Variants in CRCP observed in about 807,000 individuals in gnomAD.
CRCP encodes CGRP receptor component.
Under a neutral mutation model 18.5 loss-of-function variants are expected in CRCP, and 18 were observed. That is an observed-to-expected ratio of 0.97 (90% CI 0.67 to 1.44). The LOEUF (loss-of-function observed/expected upper bound fraction) is 1.44. Among genes scored for constraint, CRCP ranks in the 40% most tolerant of loss-of-function variants. The pLI is 0.00. For synonymous variants in CRCP, 53 were observed against 62.9 expected, an observed-to-expected ratio of 0.84 and a Z score of 0.75; for missense variants, 130 against 176.4, an observed-to-expected ratio of 0.74 and a Z score of 1.49.
At position 66,119,237 on chromosome 7, in the gene CRCP, T is replaced by C. The variant is rs183078401; in HGVS notation, c.8+4267T>C. ...TCTCTACAAAACGCCCAAGAGAACT[T>C]CTGGATAGTCTAACAGGTGGAAGTT... On this transcript the variant is annotated intron_variant, in intron 1 of 5. Coordinates refer to ENST00000395326, the MANE Select transcript of CRCP (RefSeq NM_014478.5). Among the ~76,000 whole-genome samples, 128 of 152,308 alleles carry C rather than the reference T, an allele frequency of 8.4e-4. 1 individual carries two copies. In the South Asian group the frequency reaches 0.013, roughly 15 times the overall value.
intron 1 of CRCP, among the ~76,000 whole-genome samples, chr7:66,126,218 A>G (rs316315): frequency 0.11 from 17,039 of 148,910 alleles, 2,374 homozygotes; most frequent in South Asian, 0.22. Flanking sequence ...GCCGAGGTCT[A>G]TCTCTTTGTG....
chr7:66,135,652 G>A (rs1787949796), intron 4 of CRCP, among the ~76,000 whole-genome samples: 1 of 152,192 alleles, frequency 6.6e-6, no homozygotes, highest in Non-Finnish European at 1.5e-5. Context: ...GCCAGGTGTG[G>A]CGGCTCATGC....
chr7:66,147,341 GAAAAA>G (rs11316310), intron 5 of CRCP, among the ~76,000 whole-genome samples: 3 of 139,816 alleles, frequency 2.1e-5, no homozygotes, highest in East Asian at 4.3e-4. Context: ...TCCATCTTGG[GAAAAA>G]AAAAAAAAAA....
chr7:66,140,135 T>C (rs1246561862), intron 4 of CRCP, among the ~76,000 whole-genome samples: 1 of 152,252 alleles, frequency 6.6e-6, no homozygotes, highest in African/African-American at 2.4e-5. Context: ...GAGCTCCTCC[T>C]GGGTCTCCAG....
At chr7:66,134,427 G>A in intron 4 of CRCP, 53 bp downstream of exon 4, 1 of 1,248,558 alleles carries the variant, frequency 8.0e-7, no homozygotes, top group South Asian at 1.3e-5. Context: ...AATGATAGTT[G>A]CTACATTCGT....
chr7:66,146,147 C>T (rs984336074), intron 5 of CRCP, among the ~76,000 whole-genome samples: 3 of 152,174 alleles, frequency 2.0e-5, no homozygotes, highest in African/African-American at 7.2e-5. Context: ...AAGTCCATCT[C>T]CCACATCACC....
intron 4 of CRCP, among the ~76,000 whole-genome samples, chr7:66,139,084 T>A (rs1202232187): frequency 1.3e-5 from 2 of 152,254 alleles, no homozygotes; most frequent in Non-Finnish European, 1.5e-5. Context: ...TTTAAAAAAA[T>A]TTGTAGTTCA....
intron 4 of CRCP, among the ~76,000 whole-genome samples, chr7:66,144,530 C>T (rs991668165): frequency 6.6e-6 from 1 of 152,182 alleles, no homozygotes; most frequent in Admixed American, 6.5e-5. Flanking sequence ...GTGGCTCTGT[C>T]GCCCAGGCTG....
At chr7:66,135,189 T>A (rs528469909) in intron 4 of CRCP, among the ~76,000 whole-genome samples, 46 of 152,320 alleles carry the variant, frequency 3.0e-4, no homozygotes, top group African/African-American at 1.1e-3. Flanking sequence ...AAGCCAAAAT[T>A]GGTAGAACCA....
chr7:66,118,096 G>C (rs1458048086), intron 1 of CRCP, among the ~76,000 whole-genome samples: 1 of 152,238 alleles, frequency 6.6e-6, no homozygotes, highest in Non-Finnish European at 1.5e-5. Context: ...TCCTGCCTCA[G>C]CCTACCAAGT....
intron 3 of CRCP, among the ~76,000 whole-genome samples, chr7:66,131,120 G>A (rs1167847203): frequency 2.6e-5 from 4 of 151,788 alleles, no homozygotes; most frequent in African/African-American, 7.3e-5. Flanking sequence ...GACTGCAGGC[G>A]CCCTCCACCA....
intron 3 of CRCP, among the ~76,000 whole-genome samples, chr7:66,133,465 G>A (rs1787871659): frequency 6.7e-6 from 1 of 149,396 alleles, no homozygotes; most frequent in East Asian, 2.0e-4. Flanking sequence ...CCGAGATCGT[G>A]CCGCTGCACT....
At chr7:66,150,532 CTT>C (rs1788427421) in intron 5 of CRCP, 1 of 151,864 alleles carries the variant, frequency 6.6e-6, no homozygotes, top group African/African-American at 2.4e-5. Context: ...TGCAGAAACA[CTT>C]TTGGGCTGAA....
intron 2 of CRCP, among the ~76,000 whole-genome samples, chr7:66,129,132 G>C (rs1787708687): frequency 6.6e-6 from 1 of 152,102 alleles, no homozygotes; most frequent in Non-Finnish European, 1.5e-5. Flanking sequence ...AGGAGATCAA[G>C]AACATCCTGG....
intron 4 of CRCP, among the ~76,000 whole-genome samples, chr7:66,140,644 G>C (rs1288642177): frequency 6.6e-6 from 1 of 152,156 alleles, no homozygotes; most frequent in East Asian, 1.9e-4. Context: ...CGCCGCCTCA[G>C]CCTCCCAAAG....
At chr7:66,118,445 G>A (rs1008043208) in intron 1 of CRCP, among the ~76,000 whole-genome samples, 1 of 152,206 alleles carries the variant, frequency 6.6e-6, no homozygotes, top group Non-Finnish European at 1.5e-5. Flanking sequence ...GGGGACCAGT[G>A]TCTGTTCACC....
At chr7:66,118,078 C>T (rs1562756970) in intron 1 of CRCP, among the ~76,000 whole-genome samples, 1 of 152,218 alleles carries the variant, frequency 6.6e-6, no homozygotes, top group African/African-American at 2.4e-5. Flanking sequence ...CTCCAGGGTT[C>T]AAGATTCTCC....
intron 5 of CRCP, among the ~76,000 whole-genome samples, chr7:66,148,245 C>A (rs1788357228): frequency 6.6e-6 from 1 of 152,084 alleles, no homozygotes; most frequent in South Asian, 2.1e-4. Context: ...ACCTGTAATC[C>A]CAGCTACTTG....
chr7:66,121,396 C>G (rs1035699766), intron 1 of CRCP, among the ~76,000 whole-genome samples: 5 of 151,446 alleles, frequency 3.3e-5, no homozygotes, highest in African/African-American at 1.2e-4. Flanking sequence ...ATTTGATTGA[C>G]AATTTAAAAA....
Sources: allele counts gnomAD v4.1 joint callset (sites outside exome capture counted in the v4.1 genomes callset), GRCh38; gene constraint gnomAD v4.1.1; transcripts MANE v1.5; gene names NCBI Gene and HGNC (gene_info 2026-07-23, HGNC 2026-07-21).